KDM4B: variants seen among roughly 807,000 people sequenced by gnomAD.
The protein encoded by KDM4B is lysine-specific demethylase 4B.
In KDM4B, 32 loss-of-function variants were observed where a neutral mutation model predicts 125.2. The observed-to-expected ratio is 0.26, with a 90% CI of 0.19 to 0.34. KDM4B has a LOEUF of 0.34. Ranked by LOEUF, KDM4B falls within the 10% of genes least tolerant of loss-of-function variation. The pLI is 1.00. For synonymous variants in KDM4B, 721 were observed against 677.9 expected (o/e 1.06, Z -0.99); for missense variants, 1,190 against 1,577.7 (o/e 0.75, Z 4.16).
intron 5 of KDM4B, among the ~76,000 whole-genome samples, chr19:5,046,244 G>C (rs2037021692): frequency 6.6e-6 from 1 of 152,222 alleles, no homozygotes; most frequent in Non-Finnish European, 1.5e-5. Flanking sequence ...CCATGTGTTT[G>C]CCATGCCTAG....
intron 9 of KDM4B, among the ~76,000 whole-genome samples, chr19:5,109,750 C>T (rs558489877): frequency 2.0e-5 from 3 of 152,184 alleles, no homozygotes; most frequent in East Asian, 1.9e-4. Context: ...TCAGGTGAGG[C>T]GTGCGGGAGC....
intron 1 of KDM4B, among the ~76,000 whole-genome samples, chr19:5,005,441 G>C (rs1386685556): frequency 6.6e-6 from 1 of 152,194 alleles, no homozygotes; most frequent in African/African-American, 2.4e-5. Context: ...GATGGTGACA[G>C]CTGCCACTTA....
At chr19:5,143,889 G>T (rs992394980) in intron 18 of KDM4B, 78 bp from the exon 19 acceptor site, 11 of 1,178,980 alleles carry the variant, frequency 9.3e-6, no homozygotes, top group Non-Finnish European at 1.3e-5. Context: ...AGGCTGTGCC[G>T]GGAGGGGCCG....
chr19:4,994,020 G>GTTTTTTTTTTTTTTT (rs55641886), intron 1 of KDM4B, among the ~76,000 whole-genome samples: 31 of 66,674 alleles, frequency 4.6e-4, no homozygotes, highest in Non-Finnish European at 6.0e-4. Flanking sequence ...TTTTCAGCCT[G>GTTTTTTTTTTTTTTT]TTTTTTTTTT....
chr19:5,060,709 G>A (rs1306238633), intron 6 of KDM4B, among the ~76,000 whole-genome samples: 1 of 152,192 alleles, frequency 6.6e-6, no homozygotes, highest in Non-Finnish European at 1.5e-5. Context: ...CGTGAGGGAG[G>A]TTGCTGTGTG....
At chr19:5,000,537 G>A (rs1260382247) in intron 1 of KDM4B, among the ~76,000 whole-genome samples, 2 of 151,750 alleles carry the variant, frequency 1.3e-5, no homozygotes, top group African/African-American at 4.8e-5. Context: ...TTTCCCCATC[G>A]TTATTTGTAA....
chr19:4,978,811 G>A (rs2034543324), intron 1 of KDM4B, among the ~76,000 whole-genome samples: 1 of 152,168 alleles, frequency 6.6e-6, no homozygotes, highest in South Asian at 2.1e-4. Flanking sequence ...TGGGAGCTCG[G>A]GCAGCATGGC....
chr19:5,023,685 G>A (rs1176979432), intron 2 of KDM4B, among the ~76,000 whole-genome samples: 1 of 152,052 alleles, frequency 6.6e-6, no homozygotes, highest in African/African-American at 2.4e-5. Flanking sequence ...ACGAGGGCTC[G>A]AGGGAGCCCC....
intron 1 of KDM4B, among the ~76,000 whole-genome samples, chr19:4,977,393 G>A (rs1445052906): frequency 6.6e-6 from 1 of 152,148 alleles, no homozygotes; most frequent in Non-Finnish European, 1.5e-5. Flanking sequence ...TGGTAGGCGC[G>A]ACCACCGTTG....
intron 5 of KDM4B, among the ~76,000 whole-genome samples, 155 bp downstream of exon 5, chr19:5,041,406 T>C (rs2036812412): frequency 6.6e-6 from 1 of 151,846 alleles, no homozygotes; most frequent in African/African-American, 2.4e-5. Flanking sequence ...CGCCCTGTGG[T>C]GACGAAAGAG....
In KDM4B at chr19:4,975,526, C is replaced by T. The variant is rs2034414321; in HGVS notation, c.-109+6296C>T. 2.0e-5 allele frequency among the ~76,000 whole-genome samples: 3 copies of T among 151,994 alleles called. No individual in the cohort carries two copies. In the South Asian group the frequency reaches 6.2e-4, roughly 31 times the overall value. ...TGGAAACCATGTCAGCCTCACGACC[C>T]CTAGAATGTACGGCAGCTCCTTAGA... On this transcript the variant is annotated intron_variant, in intron 1 of 22. Transcript: ENST00000159111.
intron 6 of KDM4B, among the ~76,000 whole-genome samples, chr19:5,050,629 G>A (rs903578777): frequency 2.6e-5 from 4 of 152,244 alleles, no homozygotes; most frequent in African/African-American, 2.4e-5. Context: ...GGCCAGGCGC[G>A]GTGGTTTGCG....
intron 1 of KDM4B, among the ~76,000 whole-genome samples, chr19:4,996,540 A>ATTT (rs35219542): frequency 7.0e-6 from 1 of 142,140 alleles, no homozygotes. Context: ...CATCTGGCTA[A>ATTT]TTTTTTTTTT....
intron 9 of KDM4B, among the ~76,000 whole-genome samples, chr19:5,108,652 C>G (rs147745610): frequency 1.3e-5 from 2 of 152,334 alleles, no homozygotes; most frequent in East Asian, 3.9e-4. Context: ...TCTTTCCCTT[C>G]CCATTTCCTT....
At chr19:5,019,474 T>TGGTGTG (rs2036011671) in intron 2 of KDM4B, among the ~76,000 whole-genome samples, 3 of 46,704 alleles carry the variant, frequency 6.4e-5, no homozygotes, top group African/African-American at 8.9e-5. Context: ...GTGTGGGTGT[T>TGGTGTG]GGTGTTGGTG....
intron 9 of KDM4B, among the ~76,000 whole-genome samples, chr19:5,086,926 T>C (rs1250791746): frequency 6.6e-6 from 1 of 152,156 alleles, no homozygotes; most frequent in African/African-American, 2.4e-5. Context: ...GGCTGTAAAA[T>C]CCCAGAGAAA....
chr19:5,119,096 A>G (rs946527245), intron 10 of KDM4B: 9 of 1,469,062 alleles, frequency 6.1e-6, no homozygotes, highest in Admixed American at 4.0e-5. Flanking sequence ...TAGAGAAAAA[A>G]CCCGTGAAAT....
rs1195477419 is a variant in KDM4B at position 5,143,949 on chromosome 19, C to T, written c.2551-18C>T. The T allele has an allele frequency of 6.4e-7, 1 of 1,566,364 alleles. No individual in the cohort carries two copies. Among genetic ancestry groups the T allele is most frequent in the Admixed American group, 1.8e-5 (1 of 57,126 alleles). Reference sequence around the variant, plus strand: ...GGAAGCTCGAGCCCCATGCCCCTGCCTGTGTCCCCATCCCCAGAAATGCGT... The same window carrying T: ...GGAAGCTCGAGCCCCATGCCCCTGCTTGTGTCCCCATCCCCAGAAATGCGT... On this transcript the variant is annotated intron_variant, in intron 18 of 22. Coordinates refer to ENST00000159111, the MANE Select transcript of KDM4B (RefSeq NM_015015.3).
At chr19:5,074,536 G>A (rs1263440835) in intron 7 of KDM4B, 2 of 152,268 alleles carry the variant, frequency 1.3e-5, no homozygotes, top group East Asian at 1.9e-4. Context: ...CTTTGTTAGA[G>A]CTTTAATGAG....
Sources: allele counts gnomAD v4.1 joint callset (sites outside exome capture counted in the v4.1 genomes callset), GRCh38; gene constraint gnomAD v4.1.1; transcripts MANE v1.5; gene names NCBI Gene and HGNC (gene_info 2026-07-23, HGNC 2026-07-21).